TSBP1: variants seen among roughly 807,000 people sequenced by gnomAD.
TSBP1 encodes the protein testis expressed basic protein 1, also known as testis-expressed basic protein 1.
In TSBP1, 56 loss-of-function variants were observed where a neutral mutation model predicts 68.8. The observed-to-expected ratio is 0.81, with a 90% CI of 0.66 to 1.02. The LOEUF is 1.02. Ranked by LOEUF, TSBP1 falls within the 50% of genes least tolerant of loss-of-function variation. TSBP1 has a pLI of 0.00. For missense variants in TSBP1, 502 were observed against 641.2 expected (o/e 0.78, Z 2.34); for synonymous variants, 171 against 208.7 (o/e 0.82, Z 1.56).
chr6:32,310,761 A>ATTTTT (rs199706394), intron 19 of TSBP1, among the ~76,000 whole-genome samples: 6 of 144,806 alleles, frequency 4.1e-5, no homozygotes, highest in African/African-American at 1.3e-4. Flanking sequence ...ATATATATAT[A>ATTTTT]TTTTTAATCT....
At chr6:32,346,753 G>A (rs1004071692) in intron 9 of TSBP1, among the ~76,000 whole-genome samples, 1 of 152,038 alleles carries the variant, frequency 6.6e-6, no homozygotes, top group Non-Finnish European at 1.5e-5. Flanking sequence ...CACAAGAATC[G>A]CTTGAACCCG....
At chr6:32,308,910 C>T (rs922837620) in intron 19 of TSBP1, among the ~76,000 whole-genome samples, 10 of 150,630 alleles carry the variant, frequency 6.6e-5, no homozygotes, top group Admixed American at 2.0e-4. Context: ...TTAAAGCACA[C>T]TAATATATTT....
Position 32,322,758 on chromosome 6 carries a change from G to A in TSBP1, c.559+359C>T, listed in dbSNP as rs530442365. Among the ~76,000 whole-genome samples, 9 of 152,220 alleles carry A rather than the reference G, an allele frequency of 5.9e-5. No individual in the cohort carries two copies. The East Asian group carries it at 1.5e-3, about 26-fold the overall frequency. On this transcript the variant is annotated intron_variant, in intron 18 of 22. Transcript: ENST00000612031. ...TCCTTAAAGGCCCTCTCCACTTATTGGACCTGAACAGCTTTGGGCATAGTG... is the reference window on the plus strand; with the variant it reads ...TCCTTAAAGGCCCTCTCCACTTATTAGACCTGAACAGCTTTGGGCATAGTG...
Position 32,357,470 on chromosome 6 carries a change from A to G in TSBP1, c.218-1801T>C, listed in dbSNP as rs1306630404. ...CAAGTCATTAATGTTTTTTAAGCAT[A>G]AGTTTCTCTTCTGTAAATTAGGGAT... is the stretch of plus-strand genomic sequence containing the variant. On this transcript the variant is annotated intron_variant, in intron 6 of 22. Transcript: ENST00000612031. This position sits in a 1 kb window ranked among gnomAD's most constrained non-coding sequence, Gnocchi z 4.7. Among the ~76,000 whole-genome samples the G allele has an allele frequency of 6.6e-6, 1 of 152,220 alleles. No homozygotes were observed. Among genetic ancestry groups the G allele is most frequent in the African/African-American group, 2.4e-5 (1 of 41,460 alleles).
intron 17 of TSBP1, 51 bp from the exon 19 acceptor site, chr6:32,323,188 T>G (rs758860819): frequency 1.6e-6 from 2 of 1,264,526 alleles, no homozygotes; most frequent in Non-Finnish European, 1.2e-6. Context: ...GAAACAAGGT[T>G]CCCTCTAGGG....
chr6:32,304,823 A>T lies in TSBP1; in HGVS notation c.581-2194T>A, dbSNP rs1042545221. ...TCTTTTTCTTTTCAGTTTTTATGAGAATTTAAAACTCTTCAAGAGTTAGTA... is the reference window on the plus strand; with the variant it reads ...TCTTTTTCTTTTCAGTTTTTATGAGTATTTAAAACTCTTCAAGAGTTAGTA... On this transcript the variant is annotated intron_variant, in intron 19 of 22. Transcript: ENST00000612031. The surrounding 1 kb of genome is among the most constrained non-coding windows in gnomAD (Gnocchi z 4.8). Among the ~76,000 whole-genome samples, 8 of 149,498 alleles carry T rather than the reference A, an allele frequency of 5.4e-5. No individual in the cohort carries two copies. Among genetic ancestry groups the T allele is most frequent in the African/African-American group, 2.0e-4 (8 of 40,576 alleles).
intron 9 of TSBP1, among the ~76,000 whole-genome samples, chr6:32,342,227 C>T (rs528554394): frequency 6.7e-5 from 10 of 149,988 alleles, no homozygotes; most frequent in Non-Finnish European, 8.9e-5. Context: ...GGCAGTGTTG[C>T]GATCCTGGCT....
Position 32,293,040 on chromosome 6 carries a change from CT to C in TSBP1, c.1632del (p.Gly545AlafsTer28). The C allele has an allele frequency of 6.2e-7, 1 of 1,612,462 alleles. No individual in the cohort carries two copies. The highest frequency in any genetic ancestry group is 2.2e-5 in the East Asian group (1 of 44,872). ...GTATTTGCCTTCGCCCTTTTCGAGC[CT>C]TTTGATTTTTCACCATTGATTTCTG... is the stretch of plus-strand genomic sequence containing the variant. On this transcript the variant is annotated frameshift_variant, in exon 23 of 23. Coordinates refer to ENST00000612031, the Ensembl canonical transcript of TSBP1. LOFTEE classifies it low-confidence loss of function (END_TRUNC).
chr6:32,357,400 T>C lies in TSBP1; in HGVS notation c.218-1731A>G, dbSNP rs530233930. ...CCTAAAATTTGGAATTAGACAATTC[T>C]AAATTCCTATCCAGGTTGTCACTTC... On this transcript the variant is annotated intron_variant, in intron 6 of 22. Transcript: ENST00000612031. The surrounding 1 kb of genome is among the most constrained non-coding windows in gnomAD (Gnocchi z 4.7). 2.2e-4 allele frequency among the ~76,000 whole-genome samples: 34 copies of C among 152,344 alleles called. No homozygotes were observed. In the South Asian group the frequency reaches 6.8e-3, roughly 31 times the overall value.
At chr6:32,324,588 T>C (rs1239059503) in intron 16 of TSBP1, 2 of 1,536,672 alleles carry the variant, frequency 1.3e-6, no homozygotes, top group Non-Finnish European at 1.8e-6. Flanking sequence ...TATGGGCAGA[T>C]AAAGACTCTT....
chr6:32,298,713 T>C (rs28366174), intron 22 of TSBP1, among the ~76,000 whole-genome samples: 9,590 of 152,284 alleles, frequency 0.063, 398 homozygotes, highest in Admixed American at 0.086. Flanking sequence ...TAAGGACATA[T>C]TTTGTGTTTG....
At chr6:32,293,691 A>C in exon 23 of TSBP1, 2 of 1,612,942 alleles carry the variant, frequency 1.2e-6, no homozygotes, top group Non-Finnish European at 1.7e-6. Context: ...GGTACATCTG[A>C]CACACTTTTC....
Position 32,335,464 on chromosome 6 carries a change from A to G in TSBP1, c.452-7T>C. ...ATGGTTTTTTGAGAGAGCTCTAAAA[A>G]AAAAAGAGAAAAGAAATCAGTAGCT... On this transcript the variant is annotated splice_region_variant and splice_polypyrimidine_tract_variant and intron_variant, in intron 13 of 22. Transcript: ENST00000612031. The surrounding 1 kb of genome is among the most constrained non-coding windows in gnomAD (Gnocchi z 5.5). The G allele has an allele frequency of 6.8e-7, 1 of 1,478,910 alleles. No homozygotes were observed. Among genetic ancestry groups the G allele is most frequent in the Non-Finnish European group, 9.0e-7 (1 of 1,109,876 alleles). The allele number at this position is 1,478,910 out of a possible 1,614,324, so 91.6% of individuals were successfully genotyped here.
chr6:32,309,817 G>C (rs1766197342), intron 19 of TSBP1, among the ~76,000 whole-genome samples: 1 of 152,112 alleles, frequency 6.6e-6, no homozygotes, highest in South Asian at 2.1e-4. Flanking sequence ...TAGTCACCCT[G>C]TTGTGCTATC....
chr6:32,349,740 C>T, exon 9 of TSBP1: 1 of 1,574,362 alleles, frequency 6.4e-7, no homozygotes, highest in Non-Finnish European at 8.7e-7. Flanking sequence ...AGGAACTTAC[C>T]AATACTTGAT....
chr6:32,341,973 T>C (rs1770411323), intron 9 of TSBP1, among the ~76,000 whole-genome samples: 1 of 152,070 alleles, frequency 6.6e-6, no homozygotes, highest in Non-Finnish European at 1.5e-5. Flanking sequence ...ATTATCTGTT[T>C]TGGATTTTTT....
rs1207781353 is a variant in TSBP1 at position 32,343,726 on chromosome 6, C to CT, written c.350-4089dup. On this transcript the variant is annotated intron_variant, in intron 9 of 22. Coordinates refer to ENST00000612031, the Ensembl canonical transcript of TSBP1. This position sits in a 1 kb window ranked among gnomAD's most constrained non-coding sequence, Gnocchi z 4.3. Reference sequence around the variant, plus strand: ...CAGTTTTAGCTTCCAGTTTGCTTGACTTTAAGTTCAGCACGTTTTCCTTCA... The same window carrying CT: ...CAGTTTTAGCTTCCAGTTTGCTTGACTTTTAAGTTCAGCACGTTTTCCTTCA... Among the ~76,000 whole-genome samples, 1 of 152,214 alleles carries CT rather than the reference C, an allele frequency of 6.6e-6. No individual in the cohort carries two copies. The highest frequency in any genetic ancestry group is 1.5e-5 in the Non-Finnish European group (1 of 68,028).
rs140896013 is a variant in TSBP1 at position 32,337,081 on chromosome 6, T to G, written c.410-446A>C. 7.0e-3 allele frequency among the ~76,000 whole-genome samples: 1,064 copies of G among 152,154 alleles called. 19 individuals carry two copies. Among genetic ancestry groups the G allele is most frequent in the East Asian group, 0.02 (102 of 5,182 alleles). ...TATCCTACAGAAGGCCAAAGAACAT[T>G]AGAGGAAACAGAAAAGGAACTCACT... On this transcript the variant is annotated intron_variant, in intron 11 of 22. Coordinates refer to ENST00000612031, the Ensembl canonical transcript of TSBP1. The surrounding 1 kb of genome is among the most constrained non-coding windows in gnomAD (Gnocchi z 5.5).
At chr6:32,295,334 T>TCACACACACA (rs201473295) in intron 22 of TSBP1, among the ~76,000 whole-genome samples, 1 of 97,456 alleles carries the variant, frequency 1.0e-5, no homozygotes, top group Non-Finnish European at 2.0e-5. Flanking sequence ...ATACTCCATC[T>TCACACACACA]CACACACACA....
Sources: allele counts gnomAD v4.1 joint callset (sites outside exome capture counted in the v4.1 genomes callset), GRCh38; gene constraint gnomAD v4.1.1; non-coding constraint Gnocchi (gnomAD v3.1); transcripts MANE v1.5; gene names NCBI Gene and HGNC (gene_info 2026-07-23, HGNC 2026-07-21).